Variants in THSD7B observed in about 807,000 individuals in gnomAD.
The protein encoded by THSD7B is thrombospondin type-1 domain-containing protein 7B.
Under a neutral mutation model 213.6 loss-of-function variants are expected in THSD7B, and 138 were observed. The observed-to-expected ratio is 0.65, with a 90% confidence interval of 0.56 to 0.74. The LOEUF is 0.74. Among genes scored for constraint, THSD7B ranks in the 30% least tolerant of loss-of-function variants. The pLI is 0.00. For missense variants in THSD7B, 1,931 were observed against 1,991.5 expected (o/e 0.97, Z 0.58); for synonymous variants, 742 against 687.0 (o/e 1.08, Z -1.25).
chr2:137,499,363 C>T (rs1198866538), intron 15 of THSD7B, among the ~76,000 whole-genome samples: 2 of 152,002 alleles, frequency 1.3e-5, no homozygotes, highest in Non-Finnish European at 2.9e-5. Context: ...TATCTTGGTA[C>T]TTACAGAAAA....
At chr2:137,449,706 G>A (rs1270226131) in intron 14 of THSD7B, among the ~76,000 whole-genome samples, 1 of 152,120 alleles carries the variant, frequency 6.6e-6, no homozygotes, top group Admixed American at 6.5e-5. Context: ...TCATAGCATG[G>A]CTATTTTCTT....
At chr2:136,848,884 C>T (rs564863512) in intron 1 of THSD7B, among the ~76,000 whole-genome samples, 1 of 150,650 alleles carries the variant, frequency 6.6e-6, no homozygotes, top group African/African-American at 2.4e-5. Flanking sequence ...CCTTCTCTCT[C>T]AGTTTTTAGA....
At chr2:137,198,448 G>A (rs1029392636) in intron 7 of THSD7B, among the ~76,000 whole-genome samples, 1 of 152,196 alleles carries the variant, frequency 6.6e-6, no homozygotes, top group East Asian at 1.9e-4. Flanking sequence ...TTCACTACAG[G>A]TCACATTTCC....
At chr2:137,232,707 T>C (rs1320528054) in intron 8 of THSD7B, among the ~76,000 whole-genome samples, 192 bp from the exon 9 acceptor site, 1 of 151,990 alleles carries the variant, frequency 6.6e-6, no homozygotes, top group Non-Finnish European at 1.5e-5. Context: ...TGGAAAGGAG[T>C]GTACAATATT....
At chr2:137,212,403 T>G (rs1681132133) in intron 7 of THSD7B, among the ~76,000 whole-genome samples, 1 of 152,044 alleles carries the variant, frequency 6.6e-6, no homozygotes, top group Non-Finnish European at 1.5e-5. Flanking sequence ...ATCAGAAAAC[T>G]CTTCAGAATA....
rs531035288 is a variant in THSD7B at position 137,398,735 on chromosome 2, G to T, written c.2501-6878G>T. Among the ~76,000 whole-genome samples, 13 of 152,314 alleles carry T rather than the reference G, an allele frequency of 8.5e-5. 1 individual carries two copies. The highest frequency in any genetic ancestry group is 8.3e-4 in the South Asian group (4 of 4,832). ...CTGCTTTGTTTACCTAATCAAGCCT[G>T]GGCAATGGTGGGCGCCCCTCCCCCA... On this transcript the variant is annotated intron_variant, in intron 12 of 27. Coordinates refer to ENST00000409968, the MANE Select transcript of THSD7B (RefSeq NM_001316349.2).
At chr2:137,619,346 A>G (rs1334977777) in intron 19 of THSD7B, among the ~76,000 whole-genome samples, 1 of 152,196 alleles carries the variant, frequency 6.6e-6, no homozygotes, top group African/African-American at 2.4e-5. Context: ...TTAAAACAAA[A>G]CAAACCTCTG....
intron 1 of THSD7B, among the ~76,000 whole-genome samples, chr2:136,771,120 T>A (rs538592518): frequency 2.6e-5 from 4 of 152,270 alleles, no homozygotes; most frequent in Non-Finnish European, 5.9e-5. Flanking sequence ...AAAAAGTAAT[T>A]ATTTTTTTTC....
At chr2:137,425,197 G>A (rs1165722059) in intron 14 of THSD7B, among the ~76,000 whole-genome samples, 1 of 151,592 alleles carries the variant, frequency 6.6e-6, no homozygotes, top group Non-Finnish European at 1.5e-5. Context: ...GAGTAATCTA[G>A]AGATGATTTA....
intron 2 of THSD7B, among the ~76,000 whole-genome samples, chr2:136,925,470 A>G (rs766827203): frequency 6.6e-5 from 10 of 152,190 alleles, no homozygotes; most frequent in Non-Finnish European, 1.3e-4. Context: ...GTGGTCTATT[A>G]CATTGATTGA....
At chr2:136,810,107 G>A (rs7574138) in intron 1 of THSD7B, among the ~76,000 whole-genome samples, 36,165 of 152,042 alleles carry the variant, frequency 0.24, 4,389 homozygotes, top group Middle Eastern at 0.37. Flanking sequence ...GGTAGTTAAC[G>A]CATAGAGAAG....
chr2:137,008,413 A>C (rs1041542889), intron 2 of THSD7B, among the ~76,000 whole-genome samples: 3 of 152,206 alleles, frequency 2.0e-5, no homozygotes, highest in Non-Finnish European at 4.4e-5. Context: ...TTCAACCCTA[A>C]GGGTGCATTG....
intron 1 of THSD7B, among the ~76,000 whole-genome samples, chr2:136,865,923 G>A (rs1003235959): frequency 1.3e-5 from 2 of 152,320 alleles, no homozygotes; most frequent in South Asian, 2.1e-4. Flanking sequence ...TTTAAAGCAG[G>A]TAGAGGGTTA....
chr2:136,914,247 T>TTTTTTTTCCCA (rs1684315352), intron 2 of THSD7B, among the ~76,000 whole-genome samples: 20 of 152,226 alleles, frequency 1.3e-4, no homozygotes, highest in Admixed American at 1.3e-3. Context: ...GGAATAGCTG[T>TTTTTTTTCCCA]ATTTACCCAA....
At chr2:137,143,480 T>G (rs1178935653) in intron 5 of THSD7B, among the ~76,000 whole-genome samples, 1 of 152,168 alleles carries the variant, frequency 6.6e-6, no homozygotes, top group East Asian at 1.9e-4. Context: ...ACAGCTCAGC[T>G]GGTGTGTCTT....
chr2:136,843,897 T>C (rs1309576505), intron 1 of THSD7B, among the ~76,000 whole-genome samples: 1 of 152,180 alleles, frequency 6.6e-6, no homozygotes, highest in Non-Finnish European at 1.5e-5. Flanking sequence ...TATGGATTTA[T>C]TCCAGTTTAC....
At chr2:137,675,748 G>A (rs1001033452) in intron 27 of THSD7B, among the ~76,000 whole-genome samples, 5 of 152,132 alleles carry the variant, frequency 3.3e-5, no homozygotes, top group African/African-American at 1.2e-4. Context: ...AAGCCGGGCT[G>A]TGTGGGCAGG....
intron 17 of THSD7B, among the ~76,000 whole-genome samples, chr2:137,593,891 C>G (rs1289720216): frequency 6.6e-6 from 1 of 151,738 alleles, no homozygotes; most frequent in Non-Finnish European, 1.5e-5. Flanking sequence ...TCTAAAAGTT[C>G]TATGAGTTGA....
intron 15 of THSD7B, among the ~76,000 whole-genome samples, chr2:137,513,955 G>A (rs1333871026): frequency 6.6e-6 from 1 of 152,190 alleles, no homozygotes; most frequent in Non-Finnish European, 1.5e-5. Flanking sequence ...CCTCAAAGTA[G>A]CAACACAGTT....
Sources: allele counts gnomAD v4.1 joint callset (sites outside exome capture counted in the v4.1 genomes callset), GRCh38; gene constraint gnomAD v4.1.1; transcripts MANE v1.5; gene names NCBI Gene and HGNC (gene_info 2026-07-23, HGNC 2026-07-21).